Variants in MACROD2 observed in about 807,000 individuals in gnomAD.
MACROD2 encodes the protein mono-ADP ribosylhydrolase 2.
MACROD2 carries 36 observed loss-of-function variants against 70.4 expected under a neutral mutation model. That is an observed-to-expected ratio of 0.51 (90% CI 0.39 to 0.68). The LOEUF (loss-of-function observed/expected upper bound fraction) is 0.68, where lower values mean the gene tolerates loss of function less well. Ranked by LOEUF, MACROD2 falls within the 30% of genes least tolerant of loss-of-function variation. The pLI is 0.00. For missense variants in MACROD2, 496 were observed against 538.4 expected (o/e 0.92, Z 0.78); for synonymous variants, 172 against 178.8 (o/e 0.96, Z 0.30).
intron 8 of MACROD2, among the ~76,000 whole-genome samples, chr20:15,650,822 A>G (rs1361461845): frequency 6.6e-6 from 1 of 152,044 alleles, no homozygotes; most frequent in Non-Finnish European, 1.5e-5. Context: ...AAACCTGAGA[A>G]CCCCTTGCGC....
intron 3 of MACROD2, among the ~76,000 whole-genome samples, chr20:14,226,800 G>T (rs527754991): frequency 1.4e-4 from 22 of 152,342 alleles, no homozygotes; most frequent in South Asian, 8.3e-4. Flanking sequence ...CCCACTCCGT[G>T]GGCTCCTGTG....
intron 13 of MACROD2, among the ~76,000 whole-genome samples, chr20:15,986,444 G>C (rs1247869060): frequency 2.6e-5 from 4 of 152,156 alleles, no homozygotes; most frequent in African/African-American, 9.7e-5. Context: ...AAATTTCCAG[G>C]TTGTGTCCTC....
At chr20:15,216,482 C>CA (rs1340499407) in intron 5 of MACROD2, among the ~76,000 whole-genome samples, 3 of 152,058 alleles carry the variant, frequency 2.0e-5, no homozygotes, top group Admixed American at 1.3e-4. Context: ...GTCTTTTTCT[C>CA]ACAGTAGACG....
intron 5 of MACROD2, among the ~76,000 whole-genome samples, chr20:15,018,594 G>A (rs1453406852): frequency 6.7e-6 from 1 of 149,022 alleles, no homozygotes; most frequent in Admixed American, 6.7e-5. Context: ...GAATTAATAG[G>A]ATATATATAT....
At chr20:15,614,426 G>A (rs2049010409) in intron 8 of MACROD2, among the ~76,000 whole-genome samples, 1 of 152,104 alleles carries the variant, frequency 6.6e-6, no homozygotes, top group African/African-American at 2.4e-5. Flanking sequence ...TCCTGGAATT[G>A]CAATTCATTT....
At chr20:15,257,322 G>A (rs1006758922) in intron 6 of MACROD2, among the ~76,000 whole-genome samples, 39 of 152,042 alleles carry the variant, frequency 2.6e-4, no homozygotes, top group African/African-American at 9.4e-4. Context: ...AGTGGAGGTG[G>A]GCAAATGGGC....
chr20:15,937,153 T>C (rs1009678339), intron 11 of MACROD2, among the ~76,000 whole-genome samples: 1 of 152,194 alleles, frequency 6.6e-6, no homozygotes, highest in Non-Finnish European at 1.5e-5. Flanking sequence ...CACAATCTGT[T>C]ATCAAGAAAA....
At chr20:14,166,133 G>A (rs1349428001) in intron 3 of MACROD2, among the ~76,000 whole-genome samples, 2 of 152,132 alleles carry the variant, frequency 1.3e-5, no homozygotes, top group Admixed American at 1.3e-4. Context: ...CACACAGATT[G>A]TCCCTTGAGG....
At chr20:14,426,032 C>T (rs980167147) in intron 3 of MACROD2, among the ~76,000 whole-genome samples, 1 of 151,984 alleles carries the variant, frequency 6.6e-6, no homozygotes, top group Non-Finnish European at 1.5e-5. Flanking sequence ...CACTAGGTAC[C>T]GAAATTTCTC....
At chr20:14,252,901 A>G (rs1393328935) in intron 3 of MACROD2, among the ~76,000 whole-genome samples, 1 of 152,034 alleles carries the variant, frequency 6.6e-6, no homozygotes, top group African/African-American at 2.4e-5. Flanking sequence ...TCATGGTAAA[A>G]TTAATCCTTT....
At chr20:15,242,875 T>C (rs1183525369) in intron 6 of MACROD2, among the ~76,000 whole-genome samples, 1 of 152,170 alleles carries the variant, frequency 6.6e-6, no homozygotes, top group Non-Finnish European at 1.5e-5. Flanking sequence ...AGGACGCTAA[T>C]ATGGAAATGT....
intron 5 of MACROD2, among the ~76,000 whole-genome samples, chr20:14,696,815 C>A (rs910089975): frequency 6.6e-6 from 1 of 152,120 alleles, no homozygotes; most frequent in Non-Finnish European, 1.5e-5. Context: ...CTTTCTTTTA[C>A]TGATGCTCAG....
intron 6 of MACROD2, among the ~76,000 whole-genome samples, chr20:15,245,446 C>T (rs183416618): frequency 1.3e-5 from 2 of 152,124 alleles, no homozygotes; most frequent in African/African-American, 2.4e-5. Context: ...ACTGGCAATT[C>T]TATTGTTGTA....
intron 3 of MACROD2, among the ~76,000 whole-genome samples, chr20:14,197,556 T>C (rs2081442775): frequency 6.6e-6 from 1 of 151,542 alleles, no homozygotes; most frequent in Non-Finnish European, 1.5e-5. Flanking sequence ...TCACCTGAGG[T>C]TGGGAGTTCG....
At chr20:15,723,120 G>GA (rs1387976565) in intron 8 of MACROD2, among the ~76,000 whole-genome samples, 1 of 151,962 alleles carries the variant, frequency 6.6e-6, no homozygotes, top group African/African-American at 2.4e-5. Context: ...TCTTAAAAAA[G>GA]AAAAAACTTT....
At chr20:15,207,117 G>A (rs2076715747) in intron 5 of MACROD2, among the ~76,000 whole-genome samples, 1 of 152,048 alleles carries the variant, frequency 6.6e-6, no homozygotes, top group African/African-American at 2.4e-5. Flanking sequence ...AGCACAATTA[G>A]TTCTTCCATT....
At chr20:15,819,110 G>A (rs13045544) in intron 8 of MACROD2, among the ~76,000 whole-genome samples, 27,496 of 150,646 alleles carry the variant, frequency 0.18, 2,560 homozygotes, top group African/African-American at 0.24. Flanking sequence ...CATGTTCATT[G>A]CAGCATTATT....
chr20:15,807,292 G>A (rs2147081041), intron 8 of MACROD2, among the ~76,000 whole-genome samples: 1 of 152,276 alleles, frequency 6.6e-6, no homozygotes, highest in Non-Finnish European at 1.5e-5. Context: ...CCAAAACATG[G>A]CCTTCGTTAG....
chr20:14,965,530 G>A (rs2074627537), intron 5 of MACROD2, among the ~76,000 whole-genome samples: 1 of 132,348 alleles, frequency 7.6e-6, no homozygotes, highest in Non-Finnish European at 1.5e-5. Flanking sequence ...GCCCGATCTC[G>A]GCTCACTGCA....
Sources: allele counts gnomAD v4.1 joint callset (sites outside exome capture counted in the v4.1 genomes callset), GRCh38; gene constraint gnomAD v4.1.1; transcripts MANE v1.5; gene names NCBI Gene and HGNC (gene_info 2026-07-23, HGNC 2026-07-21).